Variants in CDH11 observed in about 807,000 individuals in gnomAD.
CDH11 encodes cadherin 11, also known as cadherin-11.
CDH11 carries 11 observed loss-of-function variants against 67.8 expected under a neutral mutation model. That is an observed-to-expected ratio of 0.16 (90% confidence interval 0.10 to 0.27). CDH11 has a LOEUF of 0.27. Among genes scored for constraint, CDH11 ranks in the 10% least tolerant of loss-of-function variants. The pLI is 1.00. For missense variants in CDH11, 847 were observed against 1,031.2 expected (o/e 0.82, Z 2.45); for synonymous variants, 419 against 400.0 (o/e 1.05, Z -0.57).
intron 2 of CDH11, among the ~76,000 whole-genome samples, chr16:65,044,425 T>G: frequency 6.6e-6 from 1 of 152,140 alleles, no homozygotes; most frequent in Non-Finnish European, 1.5e-5. Context: ...AACACTATAT[T>G]CCTCTTTAAA....
chr16:65,077,372 C>G (rs1453156193), intron 1 of CDH11, among the ~76,000 whole-genome samples: 1 of 152,182 alleles, frequency 6.6e-6, no homozygotes, highest in Non-Finnish European at 1.5e-5. Context: ...TTGTGTGTAG[C>G]TTCTTTTCAC....
chr16:64,984,071 G>T (rs2072422811), intron 7 of CDH11, among the ~76,000 whole-genome samples: 1 of 152,152 alleles, frequency 6.6e-6, no homozygotes, highest in Admixed American at 6.5e-5. Context: ...CTTTGCAGAG[G>T]TTTATGTGGG....
intron 1 of CDH11, among the ~76,000 whole-genome samples, chr16:65,120,881 C>A (rs2142904286): frequency 6.6e-6 from 1 of 152,272 alleles, no homozygotes; most frequent in African/African-American, 2.4e-5. Context: ...CAGCGTGAGG[C>A]GGGCCCTCCT....
At chr16:65,011,017 GTA>G (rs1233696887) in intron 2 of CDH11, among the ~76,000 whole-genome samples, 6 of 144,908 alleles carry the variant, frequency 4.1e-5, no homozygotes, top group African/African-American at 1.0e-4. Context: ...ATATATATGT[GTA>G]TATATATACA....
chr16:65,043,265 G>A (rs184745314), intron 2 of CDH11, among the ~76,000 whole-genome samples: 56 of 152,296 alleles, frequency 3.7e-4, no homozygotes, highest in African/African-American at 1.3e-3. Context: ...ACATAGGAAG[G>A]CTTGTTGCAA....
chr16:64,954,740 T>A (rs746486908), intron 11 of CDH11, among the ~76,000 whole-genome samples: 2 of 152,056 alleles, frequency 1.3e-5, no homozygotes, highest in Admixed American at 1.3e-4. Flanking sequence ...CTCTCAGAAG[T>A]GGCATTTCTG....
intron 12 of CDH11, among the ~76,000 whole-genome samples, 179 bp downstream of exon 12, chr16:64,950,588 C>T (rs1035376987): frequency 6.6e-6 from 1 of 152,090 alleles, no homozygotes; most frequent in Non-Finnish European, 1.5e-5. Context: ...AAGAGGCAGA[C>T]ATCCCCCACC....
intron 11 of CDH11, among the ~76,000 whole-genome samples, 162 bp from the exon 12 acceptor site, chr16:64,951,180 G>A (rs1162839640): frequency 2.0e-5 from 3 of 152,292 alleles, no homozygotes; most frequent in Admixed American, 6.5e-5. Context: ...AGCCACAGCC[G>A]TTTGGCATGA....
chr16:64,997,435 C>T (rs1554401), intron 4 of CDH11, among the ~76,000 whole-genome samples: 23,204 of 149,610 alleles, frequency 0.16, 2,339 homozygotes, highest in East Asian at 0.42. Flanking sequence ...AATGAGCCCG[C>T]AAAGGTGAGA....
chr16:65,014,932 A>G (rs1219310788), intron 2 of CDH11, among the ~76,000 whole-genome samples: 1 of 151,510 alleles, frequency 6.6e-6, no homozygotes, highest in Non-Finnish European at 1.5e-5. Flanking sequence ...CTCAGCTCAC[A>G]GCAACCTCCA....
upstream of CDH11, among the ~76,000 whole-genome samples, chr16:65,122,906 C>T (rs2075359272): frequency 1.3e-5 from 2 of 152,230 alleles, no homozygotes; most frequent in Non-Finnish European, 2.9e-5. Flanking sequence ...GGTAGTGTCA[C>T]TTGTTGCCAC....
chr16:65,025,360 A>T (rs1850966), intron 2 of CDH11, among the ~76,000 whole-genome samples: 26 of 152,044 alleles, frequency 1.7e-4, no homozygotes, highest in African/African-American at 6.0e-4. Context: ...TTTATGAGAC[A>T]GAGTCTCGCT....
At chr16:65,115,087 C>T (rs1028223333) in intron 1 of CDH11, among the ~76,000 whole-genome samples, 1 of 152,116 alleles carries the variant, frequency 6.6e-6, no homozygotes, top group Non-Finnish European at 1.5e-5. Flanking sequence ...CGAAAGCAAA[C>T]CTGTGATGAA....
chr16:65,056,646 T>C (rs771054718), intron 1 of CDH11, among the ~76,000 whole-genome samples: 2 of 152,138 alleles, frequency 1.3e-5, no homozygotes, highest in Non-Finnish European at 2.9e-5. Context: ...CACAAAAAGG[T>C]AAGACTCTTG....
intron 2 of CDH11, among the ~76,000 whole-genome samples, chr16:65,031,461 T>C (rs1030633864): frequency 1.3e-5 from 2 of 152,158 alleles, no homozygotes; most frequent in African/African-American, 2.4e-5. Context: ...TATGAGGCAG[T>C]TGGTCAAGAA....
intron 1 of CDH11, among the ~76,000 whole-genome samples, chr16:65,069,102 C>A (rs939853709): frequency 6.6e-6 from 1 of 152,180 alleles, no homozygotes; most frequent in African/African-American, 2.4e-5. Context: ...AAGAAACACT[C>A]TTTTACATTC....
At chr16:65,114,702 G>A (rs772302261) in intron 1 of CDH11, among the ~76,000 whole-genome samples, 2 of 152,132 alleles carry the variant, frequency 1.3e-5, no homozygotes, top group East Asian at 1.9e-4. Context: ...CCGGCGAGCC[G>A]CAGATGGGAA....
chr16:65,100,404 AT>A (rs1184717096), intron 1 of CDH11, among the ~76,000 whole-genome samples: 2 of 151,140 alleles, frequency 1.3e-5, no homozygotes, highest in East Asian at 3.9e-4. Flanking sequence ...AACCAAGAAA[AT>A]TGAAAAAAAA....
At chr16:65,054,799 C>T (rs942633888) in intron 1 of CDH11, among the ~76,000 whole-genome samples, 4 of 152,220 alleles carry the variant, frequency 2.6e-5, no homozygotes, top group Non-Finnish European at 5.9e-5. Context: ...CTAGGATCAA[C>T]TCAGCCTGCA....
Sources: allele counts gnomAD v4.1 joint callset (sites outside exome capture counted in the v4.1 genomes callset), GRCh38; gene constraint gnomAD v4.1.1; transcripts MANE v1.5; gene names NCBI Gene and HGNC (gene_info 2026-07-23, HGNC 2026-07-21).